Variants in MED27 observed in about 807,000 individuals in gnomAD.
MED27 encodes mediator of RNA polymerase II transcription subunit 27.
In MED27, 30 loss-of-function variants were observed where a neutral mutation model predicts 38.2. That is an observed-to-expected ratio of 0.79 (90% confidence interval 0.59 to 1.07). The LOEUF (loss-of-function observed/expected upper bound fraction) is 1.07. Ranked by LOEUF, MED27 falls within the 50% of genes least tolerant of loss-of-function variation. The pLI, the probability that MED27 is intolerant of heterozygous loss-of-function variation, is 0.00. For synonymous variants in MED27, 122 were observed against 153.5 expected (o/e 0.79, Z 1.52); for missense variants, 289 against 397.5 (o/e 0.73, Z 2.32).
intron 4 of MED27, among the ~76,000 whole-genome samples, chr9:131,907,661 G>A (rs1277173937): frequency 4.6e-5 from 7 of 151,464 alleles, no homozygotes; most frequent in East Asian, 3.9e-4. Flanking sequence ...AGTGAGGAGC[G>A]TCTCTGCCTG....
chr9:131,944,322 T>A (rs147536692), intron 3 of MED27, among the ~76,000 whole-genome samples: 1 of 152,016 alleles, frequency 6.6e-6, no homozygotes, highest in Non-Finnish European at 1.5e-5. Context: ...ATACCCCCCA[T>A]TGCCACCTCA....
chr9:132,007,851 C>T (rs1342868127), intron 3 of MED27, among the ~76,000 whole-genome samples: 1 of 152,002 alleles, frequency 6.6e-6, no homozygotes, highest in Non-Finnish European at 1.5e-5. Flanking sequence ...CCAGGGACCA[C>T]AGAGAACAAA....
At chr9:132,078,329 TAAG>T (rs1481219863) in intron 1 of MED27, among the ~76,000 whole-genome samples, 1 of 152,180 alleles carries the variant, frequency 6.6e-6, no homozygotes, top group Non-Finnish European at 1.5e-5. Flanking sequence ...TACAAAGATT[TAAG>T]AAGGCAAAAG....
intron 2 of MED27, among the ~76,000 whole-genome samples, chr9:132,063,240 G>A (rs114141221): frequency 1.4e-3 from 215 of 152,242 alleles, no homozygotes; most frequent in African/African-American, 5.1e-3. Context: ...TTTCCATTTT[G>A]CAACTCATAA....
At chr9:131,863,595 C>G (rs1188011085) in intron 6 of MED27, among the ~76,000 whole-genome samples, 1 of 152,166 alleles carries the variant, frequency 6.6e-6, no homozygotes, top group African/African-American at 2.4e-5. Flanking sequence ...TTTCCATTTC[C>G]TTGAATTCTC....
chr9:132,068,793 A>C (rs1411700940), intron 2 of MED27, among the ~76,000 whole-genome samples: 1 of 152,104 alleles, frequency 6.6e-6, no homozygotes, highest in Non-Finnish European at 1.5e-5. Context: ...CCTTTGATAC[A>C]TGGGTCTGGA....
chr9:131,935,165 A>G (rs1334304411), intron 4 of MED27, among the ~76,000 whole-genome samples: 3 of 152,238 alleles, frequency 2.0e-5, no homozygotes, highest in African/African-American at 7.2e-5. Context: ...TGATAGCACA[A>G]CAGGGTGACT....
At chr9:131,881,445 GAAGGAGGGAGGGAGGA>G (rs1839038503) in intron 6 of MED27, among the ~76,000 whole-genome samples, 1 of 152,142 alleles carries the variant, frequency 6.6e-6, no homozygotes, top group African/African-American at 2.4e-5. Context: ...GGGAGGGAAG[GAAGGAGGGAGGGAGGA>G]AAGGAGGGAG....
intron 1 of MED27, among the ~76,000 whole-genome samples, chr9:132,078,506 C>A (rs947725731): frequency 6.6e-6 from 1 of 151,992 alleles, no homozygotes; most frequent in Admixed American, 6.6e-5. Context: ...AACTGGTGCT[C>A]GGCGCGGTGC....
chr9:132,068,190 C>T (rs1833851392), intron 2 of MED27, among the ~76,000 whole-genome samples: 2 of 152,108 alleles, frequency 1.3e-5, no homozygotes, highest in East Asian at 1.9e-4. Flanking sequence ...GAGACTCCCC[C>T]GGGCCACACA....
chr9:132,021,850 T>C (rs1832723625), intron 2 of MED27, among the ~76,000 whole-genome samples: 1 of 152,168 alleles, frequency 6.6e-6, no homozygotes, highest in African/African-American at 2.4e-5. Flanking sequence ...CTCTCCACCA[T>C]GTGAGGATAT....
chr9:131,894,133 A>G (rs1829784068), intron 4 of MED27, 141 bp from the exon 5 acceptor site: 2 of 616,082 alleles, frequency 3.2e-6, no homozygotes, highest in African/African-American at 1.8e-5. Context: ...AGCACTGGAA[A>G]ATGAACTCTC....
At chr9:131,937,058 G>T (rs1267588088) in intron 4 of MED27, among the ~76,000 whole-genome samples, 1 of 152,100 alleles carries the variant, frequency 6.6e-6, no homozygotes, top group East Asian at 1.9e-4. Context: ...ACACTTTTTG[G>T]GGAACAGGTG....
At chr9:132,037,225 A>G (rs1173254602) in intron 2 of MED27, among the ~76,000 whole-genome samples, 1 of 152,212 alleles carries the variant, frequency 6.6e-6, no homozygotes, top group Non-Finnish European at 1.5e-5. Context: ...CTGAAGTCAC[A>G]ACGCGAATAA....
intron 3 of MED27, among the ~76,000 whole-genome samples, chr9:131,964,356 GTAGAGGTGATGGTAGTAGTGATGGTGA>G (rs1294403467): frequency 6.6e-6 from 1 of 151,964 alleles, no homozygotes; most frequent in African/African-American, 2.4e-5. Context: ...GGAGGTGATG[GTAGAGGTGATGGTAGTAGTGATGGTGA>G]TGGTGGTGGT....
chr9:131,863,187 A>G (rs762590867), intron 6 of MED27, 47 bp from the exon 7 acceptor site: 1 of 1,545,996 alleles, frequency 6.5e-7, no homozygotes, highest in Non-Finnish European at 8.9e-7. Context: ...CCAAGCTGGC[A>G]TAGAGAAAAC....
At chr9:131,876,029 C>T (rs1197107560) in intron 6 of MED27, among the ~76,000 whole-genome samples, 2 of 152,230 alleles carry the variant, frequency 1.3e-5, no homozygotes, top group Admixed American at 1.3e-4. Context: ...TGGTCTCTCT[C>T]TGGGATGGTC....
At chr9:132,043,844 T>C (rs927906380) in intron 2 of MED27, among the ~76,000 whole-genome samples, 22 of 152,220 alleles carry the variant, frequency 1.4e-4, no homozygotes, top group African/African-American at 4.8e-4. Context: ...GAACTTACAA[T>C]GTGCAAAAGA....
chr9:131,956,601 T>A (rs1378876352), intron 3 of MED27, among the ~76,000 whole-genome samples: 4 of 143,448 alleles, frequency 2.8e-5, no homozygotes, highest in African/African-American at 1.0e-4. Context: ...GGTGACAGAG[T>A]GAGACTCCGC....
Sources: allele counts gnomAD v4.1 joint callset (sites outside exome capture counted in the v4.1 genomes callset), GRCh38; gene constraint gnomAD v4.1.1; transcripts MANE v1.5; gene names NCBI Gene and HGNC (gene_info 2026-07-23, HGNC 2026-07-21).